The following DAB2IP variants were observed in gnomAD, a reference collection of about 807,000 sequenced individuals.
DAB2IP encodes disabled homolog 2-interacting protein.
Under a neutral mutation model 107.2 loss-of-function variants are expected in DAB2IP, and 28 were observed. The ratio of observed to expected loss-of-function variants is 0.26; its 90% CI spans 0.19 to 0.36. The LOEUF (loss-of-function observed/expected upper bound fraction) is 0.36, where lower values mean the gene tolerates loss of function less well. Ranked by LOEUF, DAB2IP falls within the 10% of genes least tolerant of loss-of-function variation. The pLI, the probability that DAB2IP is intolerant of heterozygous loss-of-function variation, is 1.00. For synonymous variants in DAB2IP, 755 were observed against 706.4 expected, an observed-to-expected ratio of 1.07 and a Z score of -1.09; for missense variants, 1,400 against 1,644.7, an observed-to-expected ratio of 0.85 and a Z score of 2.57.
chr9:121,635,333 T>C lies in DAB2IP; in HGVS notation c.41-43345T>C, dbSNP rs1410673933. ...AAACTCATTTCAGTCTCCAACATCT[T>C]GTGAGGAAGTTAATTCCATCCTTAT... is the stretch of plus-strand genomic sequence containing the variant. On this transcript the variant is annotated intron_variant, in intron 1 of 16. Coordinates refer to the DAB2IP transcript ENST00000259371. This position sits in a 1 kb window ranked among gnomAD's most constrained non-coding sequence, Gnocchi z 4.3. 6.6e-6 allele frequency among the ~76,000 whole-genome samples: 1 copy of C among 152,236 alleles called. No individual in the cohort carries two copies. The highest frequency in any genetic ancestry group is 2.4e-5 in the African/African-American group (1 of 41,468).
At chr9:121,769,765 A>G (rs1355350129) in intron 10 of DAB2IP, among the ~76,000 whole-genome samples, 4 of 152,212 alleles carry the variant, frequency 2.6e-5, no homozygotes, top group African/African-American at 9.6e-5. Context: ...TGTCACTGCC[A>G]CCACTTACCT....
chr9:121,643,907 C>T (rs985422041), intron 1 of DAB2IP, among the ~76,000 whole-genome samples: 4 of 152,226 alleles, frequency 2.6e-5, no homozygotes, highest in African/African-American at 9.6e-5. Context: ...GTGGCTCAAA[C>T]CTATAATCCC....
chr9:121,602,729 C>T (rs1426293644), intron 1 of DAB2IP, among the ~76,000 whole-genome samples: 9 of 152,136 alleles, frequency 5.9e-5, no homozygotes, highest in South Asian at 2.1e-4. Flanking sequence ...GCGCCCGCCA[C>T]CACGCCCGGC....
intron 3 of DAB2IP, among the ~76,000 whole-genome samples, chr9:121,754,135 C>G (rs1451216486): frequency 6.6e-6 from 1 of 152,162 alleles, no homozygotes; most frequent in Non-Finnish European, 1.5e-5. Context: ...CTGCTGGGTT[C>G]AGGAAGTGAC....
At chr9:121,657,782 C>A (rs1833028196) in intron 1 of DAB2IP, among the ~76,000 whole-genome samples, 1 of 152,154 alleles carries the variant, frequency 6.6e-6, no homozygotes, top group Non-Finnish European at 1.5e-5. Context: ...TAATTCTGTA[C>A]TTACTAAGAC....
intron 3 of DAB2IP, among the ~76,000 whole-genome samples, chr9:121,718,385 G>C (rs1253115050): frequency 1.3e-5 from 2 of 152,192 alleles, no homozygotes. Context: ...CCCAAGGGAT[G>C]TCATCAACAT....
chr9:121,583,232 C>CA (rs1489264351), intron 1 of DAB2IP, among the ~76,000 whole-genome samples: 2 of 152,192 alleles, frequency 1.3e-5, no homozygotes, highest in South Asian at 2.1e-4. Flanking sequence ...ACATAAAATA[C>CA]AAAAAAATTA....
At chr9:121,706,446 C>G (rs952300443) in intron 3 of DAB2IP, among the ~76,000 whole-genome samples, 44 of 152,334 alleles carry the variant, frequency 2.9e-4, no homozygotes, top group African/African-American at 1.0e-3. Flanking sequence ...ACTCCCTCCC[C>G]TCCACTTCTC....
At chr9:121,756,783 T>C (rs1031855669) in intron 3 of DAB2IP, among the ~76,000 whole-genome samples, 1 of 152,210 alleles carries the variant, frequency 6.6e-6, no homozygotes, top group African/African-American at 2.4e-5. Flanking sequence ...CCTCACCTTC[T>C]TGCTCTCTGA....
At chr9:121,704,018 G>A (rs1589548513) in intron 3 of DAB2IP, among the ~76,000 whole-genome samples, 1 of 152,150 alleles carries the variant, frequency 6.6e-6, no homozygotes, top group Non-Finnish European at 1.5e-5. Context: ...TTAATAATCA[G>A]TTTTAAAAGT....
intron 3 of DAB2IP, among the ~76,000 whole-genome samples, chr9:121,727,382 A>G (rs1831290399): frequency 6.6e-6 from 1 of 152,246 alleles, no homozygotes; most frequent in Admixed American, 6.5e-5. Flanking sequence ...ACTTGTGAGG[A>G]TTAACATATG....
chr9:121,775,750 T>C (rs1324857694), intron 13 of DAB2IP, among the ~76,000 whole-genome samples: 1 of 152,240 alleles, frequency 6.6e-6, no homozygotes, highest in Non-Finnish European at 1.5e-5. Context: ...GCTGGGATCT[T>C]ACCCTGCTAG....
intron 14 of DAB2IP, among the ~76,000 whole-genome samples, chr9:121,778,081 C>T (rs1368704153): frequency 6.6e-6 from 1 of 152,186 alleles, no homozygotes. Context: ...GTATTGCCCT[C>T]AGTTCTGAAG....
chr9:121,685,253 CG>C (rs1275944695), intron 2 of DAB2IP, among the ~76,000 whole-genome samples: 2 of 152,214 alleles, frequency 1.3e-5, no homozygotes, highest in African/African-American at 2.4e-5. Flanking sequence ...CTGCCTTCCG[CG>C]GGGGGCATCC....
At chr9:121,758,812 C>G in intron 4 of DAB2IP, 86 bp from the exon 5 acceptor site, 1 of 1,237,656 alleles carries the variant, frequency 8.1e-7, no homozygotes, top group Non-Finnish European at 1.2e-6. Context: ...GCCAGAGTCC[C>G]CTGAGCCTCC....
chr9:121,623,245 C>G (rs1039284140), intron 1 of DAB2IP, among the ~76,000 whole-genome samples: 2 of 152,278 alleles, frequency 1.3e-5, no homozygotes, highest in South Asian at 2.1e-4. Flanking sequence ...GATTTAACAT[C>G]CAGGGGTGGT....
intron 2 of DAB2IP, among the ~76,000 whole-genome samples, chr9:121,688,896 G>T (rs1829023108): frequency 6.6e-6 from 1 of 152,182 alleles, no homozygotes; most frequent in Non-Finnish European, 1.5e-5. Flanking sequence ...ACTTCTGCCA[G>T]CCCCCACACT....
intron 1 of DAB2IP, among the ~76,000 whole-genome samples, chr9:121,604,567 G>A (rs1025321114): frequency 3.3e-5 from 5 of 152,140 alleles, no homozygotes; most frequent in Non-Finnish European, 7.3e-5. Context: ...CTTGGCCTGT[G>A]ACTTCCAGAA....
At position 121,782,308 on chromosome 9, in the gene DAB2IP, G is replaced by A. The variant is rs772330003; in HGVS notation, c.3403-23G>A. ...CTAAGGAGCCTGTCCCATGACCCCCGCTCACATCCCCATTGTCCACAGGAG... is the reference window on the plus strand; with the variant it reads ...CTAAGGAGCCTGTCCCATGACCCCCACTCACATCCCCATTGTCCACAGGAG... On this transcript the variant is annotated intron_variant, in intron 15 of 15. Transcript: ENST00000408936. This position sits in a 1 kb window ranked among gnomAD's most constrained non-coding sequence, Gnocchi z 6.1. 34 of 1,608,702 alleles carry A rather than the reference G, an allele frequency of 2.1e-5. No individual in the cohort carries two copies. The South Asian group carries it at 2.6e-4, about 13-fold the overall frequency.
Sources: allele counts gnomAD v4.1 joint callset (sites outside exome capture counted in the v4.1 genomes callset), GRCh38; gene constraint gnomAD v4.1.1; non-coding constraint Gnocchi (gnomAD v3.1); transcripts MANE v1.5; gene names NCBI Gene and HGNC (gene_info 2026-07-23, HGNC 2026-07-21).